The following GAS7 variants were observed in gnomAD, a reference collection of about 807,000 sequenced individuals.
GAS7 encodes the protein growth arrest specific 7.
GAS7 carries 28 observed loss-of-function variants against 71.1 expected under a neutral mutation model. That is an observed-to-expected ratio of 0.39 (90% CI 0.29 to 0.54). The LOEUF (loss-of-function observed/expected upper bound fraction) is 0.54, where lower values mean the gene tolerates loss of function less well. GAS7 is among the 20% of genes least tolerant of loss of function. GAS7 has a pLI of 0.62. For synonymous variants in GAS7, 258 were observed against 245.8 expected (o/e 1.05, Z -0.46); for missense variants, 436 against 627.8 (o/e 0.69, Z 3.27).
rs116793596 is a variant in GAS7 at position 10,036,367 on chromosome 17, T to C, written c.184-16470A>G. The C allele has an allele frequency of 8.5e-4, 1,091 of 1,281,578 alleles. 4 individuals are homozygous for C. In the African/African-American group the frequency reaches 0.014, roughly 17 times the overall value. 79.4% of individuals were successfully genotyped at this position (1,281,578 alleles called of 1,614,324 possible). A position where few individuals can be genotyped will look rare whatever the true frequency, so the allele number is the denominator to read the frequency against. On this transcript the variant is annotated intron_variant, in intron 1 of 13. Transcript: ENST00000432992. ...CTGCCTCTTTACCATGGCACAGTCA[T>C]TTTAGAAACATGCAGAGAAAAGCAA... is the stretch of plus-strand genomic sequence containing the variant.
At chr17:10,124,151 C>T (rs751686471) in intron 1 of GAS7, among the ~76,000 whole-genome samples, 57 of 152,346 alleles carry the variant, frequency 3.7e-4, no homozygotes, top group Non-Finnish European at 6.9e-4. Context: ...TGTGCCTGGG[C>T]GGGCTCCCCG....
chr17:9,921,139 C>T (rs555885473), intron 11 of GAS7, among the ~76,000 whole-genome samples: 4 of 151,668 alleles, frequency 2.6e-5, no homozygotes, highest in Non-Finnish European at 2.9e-5. Flanking sequence ...GATGCTGCAC[C>T]GTAAAATGCA....
At chr17:10,138,771 A>AC (rs374753367) in intron 1 of GAS7, among the ~76,000 whole-genome samples, 3 of 152,286 alleles carry the variant, frequency 2.0e-5, no homozygotes, top group African/African-American at 7.2e-5. Flanking sequence ...CGTCTCAAAA[A>AC]AAAACAAAAA....
At chr17:10,010,083 T>A (rs980556564) in intron 2 of GAS7, among the ~76,000 whole-genome samples, 1 of 152,124 alleles carries the variant, frequency 6.6e-6, no homozygotes, top group African/African-American at 2.4e-5. Context: ...ATAGCTTGGA[T>A]CAAGTCCCTT....
rs1019986132 is a variant in GAS7, at chr17:10,129,107, G to T, written c.183+69101C>A. On this transcript the variant is annotated intron_variant, in intron 1 of 13. Transcript: ENST00000432992. ...AAAACGCCAAGACCACTCAATGGGGGAAAGGGCCATCTTTTCAACAAACTG... is the reference window on the plus strand; with the variant it reads ...AAAACGCCAAGACCACTCAATGGGGTAAAGGGCCATCTTTTCAACAAACTG... Among the ~76,000 whole-genome samples the T allele has an allele frequency of 2.7e-4, 41 of 152,266 alleles. 1 individual carries two copies. The highest frequency in any genetic ancestry group is 9.6e-4 in the African/African-American group (40 of 41,558).
At chr17:9,921,846 C>A (rs1328702890) in intron 11 of GAS7, among the ~76,000 whole-genome samples, 1 of 151,594 alleles carries the variant, frequency 6.6e-6, no homozygotes, top group African/African-American at 2.4e-5. Flanking sequence ...GTAGTCCCAG[C>A]TACTCGGGAG....
At chr17:9,967,560 G>A (rs1389239314) in intron 4 of GAS7, among the ~76,000 whole-genome samples, 1 of 113,582 alleles carries the variant, frequency 8.8e-6, no homozygotes, top group Non-Finnish European at 1.9e-5. Context: ...GTATAGATAA[G>A]TATAGATTTC....
Position 9,916,514 on chromosome 17 carries a change from AGAG to A in GAS7, c.*711_*713del. ...GGGGGAAGGATGGATTGGCATTTCC[AGAG>A]GAGACTTTACAGATGGCGCCTGATC... On this transcript the variant is annotated 3_prime_UTR_variant, in exon 14 of 14. Transcript: ENST00000432992. 4.2e-6 allele frequency: 1 copy of A among 236,016 alleles called. No homozygotes were observed. The highest frequency in any genetic ancestry group is 8.4e-6 in the Non-Finnish European group (1 of 119,718). 14.6% of individuals were successfully genotyped at this position (236,016 alleles called of 1,614,324 possible).
chr17:10,026,655 T>C lies in GAS7; in HGVS notation c.184-6758A>G, dbSNP rs2152214919. ...GGAGTCAACCAATTACTAATGGGGC[T>C]GCCAGAGCCCACCAGGAAGATCAAG... On this transcript the variant is annotated intron_variant, in intron 1 of 13. Coordinates refer to ENST00000432992, the MANE Select transcript of GAS7 (RefSeq NM_201433.2). The surrounding 1 kb of genome is among the most constrained non-coding windows in gnomAD (Gnocchi z 4.5). 6.6e-6 allele frequency among the ~76,000 whole-genome samples: 1 copy of C among 152,310 alleles called. No homozygotes were observed. Among genetic ancestry groups the C allele is most frequent in the South Asian group, 2.1e-4 (1 of 4,822 alleles).
chr17:10,186,402 C>CTTTTT (rs71139025), intron 1 of GAS7, among the ~76,000 whole-genome samples: 4 of 128,112 alleles, frequency 3.1e-5, no homozygotes, highest in African/African-American at 9.0e-5. Context: ...TATTCAAAGG[C>CTTTTT]TTTTTTTTTT....
intron 1 of GAS7, among the ~76,000 whole-genome samples, chr17:10,045,525 C>T (rs532382006): frequency 2.6e-5 from 4 of 152,218 alleles, no homozygotes; most frequent in South Asian, 4.2e-4. Flanking sequence ...GGTGAAACCC[C>T]GTCTCTACTA....
At chr17:10,172,426 TG>T (rs1298169498) in intron 1 of GAS7, among the ~76,000 whole-genome samples, 1 of 151,926 alleles carries the variant, frequency 6.6e-6, no homozygotes, top group Non-Finnish European at 1.5e-5. Flanking sequence ...CTCTCAACTT[TG>T]CCCCCAGGCC....
At chr17:9,931,654 C>T (rs1244357958) in intron 9 of GAS7, among the ~76,000 whole-genome samples, 6 of 152,250 alleles carry the variant, frequency 3.9e-5, no homozygotes, top group Admixed American at 3.3e-4. Flanking sequence ...GATCCATTCA[C>T]GGAGTTCCCT....
Position 9,974,777 on chromosome 17 carries a change from C to T in GAS7, c.386-5015G>A, listed in dbSNP as rs1363628584. ...AGTCAACAGAAACAGAAAAGAAAGG[C>T]GAATATGAAAAGTTATCGAGAAAGG... On this transcript the variant is annotated intron_variant, in intron 3 of 13. Coordinates refer to ENST00000432992, the MANE Select transcript of GAS7 (RefSeq NM_201433.2). The surrounding 1 kb of genome is among the most constrained non-coding windows in gnomAD (Gnocchi z 4.0). 5.3e-5 allele frequency among the ~76,000 whole-genome samples: 8 copies of T among 151,940 alleles called. No homozygotes were observed. The South Asian group carries it at 1.2e-3, about 24-fold the overall frequency.
chr17:10,005,181 GTGTA>G (rs1161678359), intron 2 of GAS7, among the ~76,000 whole-genome samples: 2 of 151,462 alleles, frequency 1.3e-5, no homozygotes, highest in Non-Finnish European at 2.9e-5. Context: ...ATGCATGTAT[GTGTA>G]TGTGCACGCA....
intron 1 of GAS7, among the ~76,000 whole-genome samples, chr17:10,147,145 T>G (rs954461153): frequency 5.3e-5 from 8 of 151,712 alleles, no homozygotes; most frequent in South Asian, 2.1e-4. Context: ...TGGTTTGCCA[T>G]TTTTTTTAAT....
Position 10,191,052 on chromosome 17 carries a change from G to A in GAS7, c.183+7156C>T, listed in dbSNP as rs182794844. 2.1e-4 allele frequency among the ~76,000 whole-genome samples: 32 copies of A among 151,798 alleles called. 1 individual carries two copies. The highest frequency in any genetic ancestry group is 1.8e-3 in the Admixed American group (28 of 15,230). On this transcript the variant is annotated intron_variant, in intron 1 of 13. Coordinates refer to ENST00000432992, the MANE Select transcript of GAS7 (RefSeq NM_201433.2). Reference sequence around the variant, plus strand: ...TAGCCGGGTGTGGTGGCGCATGCCCGTAATCCCAGCTACCCAGGAGGCTGA... The same window carrying A: ...TAGCCGGGTGTGGTGGCGCATGCCCATAATCCCAGCTACCCAGGAGGCTGA...
At chr17:10,175,506 T>C (rs2074367600) in intron 1 of GAS7, among the ~76,000 whole-genome samples, 1 of 152,204 alleles carries the variant, frequency 6.6e-6, no homozygotes, top group Non-Finnish European at 1.5e-5. Context: ...CACACGGTTT[T>C]CCCTCTGTGT....
chr17:10,028,201 C>A (rs1307555923), intron 1 of GAS7, among the ~76,000 whole-genome samples: 1 of 152,164 alleles, frequency 6.6e-6, no homozygotes, highest in African/African-American at 2.4e-5. Flanking sequence ...CTGCGCCCGG[C>A]CTTAACATTT....
Sources: gnomAD v4.1 joint callset for allele counts (sites outside exome capture counted in the v4.1 genomes callset) on GRCh38, gnomAD v4.1.1 for gene constraint, Gnocchi (gnomAD v3.1) non-coding constraint, MANE v1.5 for transcripts, NCBI Gene and HGNC (gene_info 2026-07-23, HGNC 2026-07-21) for gene names.